The following SLC4A8 variants were observed in gnomAD, a reference collection of about 807,000 sequenced individuals.
SLC4A8 encodes the protein solute carrier family 4 member 8.
In SLC4A8, 40 loss-of-function variants were observed where a neutral mutation model predicts 125.0. The observed-to-expected ratio is 0.32, with a 90% CI of 0.25 to 0.42. SLC4A8 has a LOEUF of 0.42. SLC4A8 is among the 10% of genes least tolerant of loss of function. The pLI, the probability that SLC4A8 is intolerant of heterozygous loss-of-function variation, is 1.00. For missense variants in SLC4A8, 863 were observed against 1,355.1 expected, an observed-to-expected ratio of 0.64 and a Z score of 5.70; for synonymous variants, 456 against 476.0, an observed-to-expected ratio of 0.96 and a Z score of 0.55.
At chr12:51,474,304 C>T (rs1447352609) in intron 14 of SLC4A8, 38 bp from the exon 15 acceptor site, 17 of 1,328,494 alleles carry the variant, frequency 1.3e-5, no homozygotes, top group Non-Finnish European at 1.8e-5. Flanking sequence ...GAGTATTTGG[C>T]TGTTTTCCTC....
chr12:51,446,613 G>A (rs1949779817), intron 2 of SLC4A8, among the ~76,000 whole-genome samples: 1 of 152,204 alleles, frequency 6.6e-6, no homozygotes, highest in Non-Finnish European at 1.5e-5. Flanking sequence ...TCTTCCTGAT[G>A]AAGCTCTCCA....
chr12:51,505,526 C>A (rs1938129274), intron 23 of SLC4A8, among the ~76,000 whole-genome samples: 1 of 152,206 alleles, frequency 6.6e-6, no homozygotes, highest in Non-Finnish European at 1.5e-5. Context: ...CTGTTGATAT[C>A]ATAGTGTTGT....
chr12:51,450,739 G>T (rs1378753689), intron 2 of SLC4A8, 137 bp from the exon 3 acceptor site: 5 of 903,684 alleles, frequency 5.5e-6, no homozygotes, highest in Non-Finnish European at 8.5e-6. Flanking sequence ...GGAAGTCTTT[G>T]AAGTTTTGTT....
intron 22 of SLC4A8, chr12:51,502,127 CA>C (rs1265387055): frequency 2.6e-5 from 4 of 152,128 alleles, no homozygotes; most frequent in Non-Finnish European, 5.9e-5. Context: ...GGGAGAACTA[CA>C]AAACATTGCT....
upstream of SLC4A8, among the ~76,000 whole-genome samples, chr12:51,423,970 A>C (rs762008793): frequency 7.4e-6 from 1 of 135,222 alleles, no homozygotes; most frequent in Non-Finnish European, 1.6e-5. Flanking sequence ...GGATAGGCGG[A>C]GGTTGCAGTG....
intron 1 of SLC4A8, among the ~76,000 whole-genome samples, chr12:51,417,080 A>G (rs74461143): frequency 0.04 from 6,136 of 152,090 alleles, 394 homozygotes; most frequent in African/African-American, 0.14. Context: ...AACTTGGACG[A>G]CAGAGTGAGA....
At chr12:51,398,437 GCCCAAGAT>G (rs781598947) in intron 1 of SLC4A8, among the ~76,000 whole-genome samples, 19 of 152,140 alleles carry the variant, frequency 1.2e-4, no homozygotes, top group Non-Finnish European at 2.5e-4. Context: ...GCAATCAAGT[GCCCAAGAT>G]CTGTCCTTTC....
chr12:51,496,922 TTGC>T (rs1263090288), intron 21 of SLC4A8, 62 bp from the exon 22 acceptor site: 8 of 1,542,442 alleles, frequency 5.2e-6, no homozygotes, highest in Non-Finnish European at 1.8e-6. Flanking sequence ...AAATAAGGCT[TTGC>T]TTTTAAGTCC....
intron 11 of SLC4A8, among the ~76,000 whole-genome samples, chr12:51,466,665 T>C (rs1950524905): frequency 6.6e-6 from 1 of 152,228 alleles, no homozygotes; most frequent in Non-Finnish European, 1.5e-5. Flanking sequence ...CTGTTGTAGA[T>C]GTGCAATCAT....
At chr12:51,412,162 T>A (rs1592147088) in intron 1 of SLC4A8, among the ~76,000 whole-genome samples, 1 of 152,218 alleles carries the variant, frequency 6.6e-6, no homozygotes, top group African/African-American at 2.4e-5. Flanking sequence ...TTTGGCCTAA[T>A]AATCAATTTT....
chr12:51,476,029 C>T (rs1950843809), intron 16 of SLC4A8, among the ~76,000 whole-genome samples: 1 of 152,154 alleles, frequency 6.6e-6, no homozygotes. Flanking sequence ...ACAGAAGGGC[C>T]CCCTGAAGGC....
chr12:51,466,193 T>C (rs1053045101), intron 11 of SLC4A8, among the ~76,000 whole-genome samples: 7 of 152,166 alleles, frequency 4.6e-5, no homozygotes, highest in African/African-American at 1.7e-4. Flanking sequence ...ACCTCCCTGA[T>C]ATTGACTAAG....
chr12:51,444,929 C>T (rs1364706332), intron 2 of SLC4A8, among the ~76,000 whole-genome samples: 3 of 152,140 alleles, frequency 2.0e-5, no homozygotes, highest in Non-Finnish European at 4.4e-5. Context: ...AGCATGAGCC[C>T]AGTGGAAGTA....
chr12:51,480,298 C>G, intron 16 of SLC4A8: 1 of 1,243,916 alleles, frequency 8.0e-7, no homozygotes, highest in Non-Finnish European at 1.0e-6. Context: ...TTCTTTCTTG[C>G]TTAAAATGTA....
intron 1 of SLC4A8, among the ~76,000 whole-genome samples, chr12:51,433,619 CATAAATAAATG>C (rs199933761): frequency 6.6e-6 from 1 of 152,042 alleles, no homozygotes; most frequent in East Asian, 1.9e-4. Context: ...TCTTTTTTGC[CATAAATAAATG>C]ATACTATCAG....
intron 9 of SLC4A8, chr12:51,462,020 T>G: frequency 4.0e-6 from 1 of 252,630 alleles, no homozygotes. Flanking sequence ...ATCTTGCCTT[T>G]CCTTCCATCC....
chr12:51,429,076 A>T (rs1439685060), intron 1 of SLC4A8, among the ~76,000 whole-genome samples: 3 of 151,648 alleles, frequency 2.0e-5, no homozygotes, highest in South Asian at 2.1e-4. Flanking sequence ...CCCCTAGCTA[A>T]TTTTTTTGTA....
upstream of SLC4A8, among the ~76,000 whole-genome samples, chr12:51,424,037 C>CAAAAAAAA (rs35611847): frequency 2.6e-5 from 1 of 38,206 alleles, no homozygotes; most frequent in Non-Finnish European, 4.5e-5. Flanking sequence ...ACTTCGTCTC[C>CAAAAAAAA]AAAAAAAAAA....
intron 16 of SLC4A8, among the ~76,000 whole-genome samples, chr12:51,482,082 A>T (rs1477030830): frequency 6.6e-6 from 1 of 152,164 alleles, no homozygotes; most frequent in Non-Finnish European, 1.5e-5. Context: ...GATTCTGTAG[A>T]TTTGCAGTAT....
Sources: gnomAD v4.1 joint callset for allele counts (sites outside exome capture counted in the v4.1 genomes callset) on GRCh38, gnomAD v4.1.1 for gene constraint, MANE v1.5 for transcripts, NCBI Gene and HGNC (gene_info 2026-07-23, HGNC 2026-07-21) for gene names.